The following RBFOX3 variants were observed in gnomAD, a reference collection of about 807,000 sequenced individuals.
The protein encoded by RBFOX3 is RNA binding fox-1 homolog 3.
In RBFOX3, 17 loss-of-function variants were observed where a neutral mutation model predicts 48.7. That is an observed-to-expected ratio of 0.35 (90% CI 0.24 to 0.52). The LOEUF (loss-of-function observed/expected upper bound fraction) is 0.52. Among genes scored for constraint, RBFOX3 ranks in the 20% least tolerant of loss-of-function variants. The pLI is 0.94. For missense variants in RBFOX3, 382 were observed against 497.5 expected (o/e 0.77, Z 2.21); for synonymous variants, 212 against 209.5 (o/e 1.01, Z -0.10).
intron 1 of RBFOX3, among the ~76,000 whole-genome samples, chr17:79,566,692 T>C (rs980113837): frequency 1.7e-4 from 26 of 152,380 alleles, no homozygotes; most frequent in African/African-American, 6.0e-4. Context: ...TAGGGCACTG[T>C]GGTTGCCCTC....
chr17:79,131,094 TGCCCCGTGTGTGCACATGTGC>T (rs990403203), intron 4 of RBFOX3, among the ~76,000 whole-genome samples: 3 of 151,698 alleles, frequency 2.0e-5, no homozygotes, highest in African/African-American at 4.8e-5. Flanking sequence ...GTGTGCTGTG[TGCCCCGTGTGTGCACATGTGC>T]GCCCCGTGTG....
rs1490967020 is a variant in RBFOX3 at position 79,254,429 on chromosome 17, G to A, written c.-73-18624C>T. ...CCAATCCAGGACACATGGCACCAGG[G>A]CCCAGCCTTGAGACCAACCAGCTGG... On this transcript the variant is annotated intron_variant, in intron 3 of 14. Coordinates refer to ENST00000693108, the MANE Select transcript of RBFOX3 (RefSeq NM_001350451.2). The surrounding 1 kb of genome is among the most constrained non-coding windows in gnomAD (Gnocchi z 4.8). Among the ~76,000 whole-genome samples the A allele has an allele frequency of 6.6e-6, 1 of 151,868 alleles. No homozygotes were observed. Among genetic ancestry groups the A allele is most frequent in the African/African-American group, 2.4e-5 (1 of 41,312 alleles).
At chr17:79,394,571 C>T (rs1830202895) in intron 2 of RBFOX3, among the ~76,000 whole-genome samples, 1 of 152,244 alleles carries the variant, frequency 6.6e-6, no homozygotes, top group Non-Finnish European at 1.5e-5. Flanking sequence ...GTCAAGGCAG[C>T]ACGCACAGTC....
chr17:79,331,349 C>T (rs139579095), intron 2 of RBFOX3, among the ~76,000 whole-genome samples: 1 of 152,342 alleles, frequency 6.6e-6, no homozygotes, highest in East Asian at 1.9e-4. Flanking sequence ...CTGCCTCTCC[C>T]CTGTCCCGTT....
chr17:79,257,969 G>A (rs1227026315), intron 3 of RBFOX3, among the ~76,000 whole-genome samples: 1 of 151,870 alleles, frequency 6.6e-6, no homozygotes, highest in African/African-American at 2.4e-5. Flanking sequence ...GTGGGGACGG[G>A]GGTCTCAAAT....
chr17:79,479,359 C>T lies in RBFOX3; in HGVS notation c.-175+3095G>A, dbSNP rs1395774577. On this transcript the variant is annotated intron_variant, in intron 2 of 14. Transcript: ENST00000693108. This position sits in a 1 kb window ranked among gnomAD's most constrained non-coding sequence, Gnocchi z 5.1. ...GTACATGGCCCTCTTCCTTCAGACA[C>T]CCGCCATCCACCATCCTGAAGGTGA... 6.6e-6 allele frequency among the ~76,000 whole-genome samples: 1 copy of T among 152,174 alleles called. No homozygotes were observed. Among genetic ancestry groups the T allele is most frequent in the African/African-American group, 2.4e-5 (1 of 41,434 alleles).
chr17:79,487,906 C>T, intron 1 of RBFOX3, among the ~76,000 whole-genome samples: 1 of 11,002 alleles, frequency 9.1e-5, no homozygotes, highest in African/African-American at 1.5e-4. Flanking sequence ...AGCAAGACCC[C>T]ATCTCAGAAA....
At chr17:79,504,001 AGGGTG>A (rs2082725671) in intron 1 of RBFOX3, among the ~76,000 whole-genome samples, 1 of 67,854 alleles carries the variant, frequency 1.5e-5, no homozygotes, top group African/African-American at 4.3e-5. Context: ...GCGGGGTGGC[AGGGTG>A]CTCCAGGTGG....
At position 79,104,264 on chromosome 17, in the gene RBFOX3, G is replaced by A. The variant is rs545584194; in HGVS notation, c.361-138C>T. ...GGCCCCCAGCTTGGGAAAGGAGACC[G>A]GGGACCCCCTCCCACCCCTGGCCAT... On this transcript the variant is annotated intron_variant, in intron 6 of 14. Coordinates refer to ENST00000693108, the MANE Select transcript of RBFOX3 (RefSeq NM_001350451.2). 2.9e-4 allele frequency: 229 copies of A among 798,848 alleles called. No individual in the cohort carries two copies. The Admixed American group carries it at 3.6e-3, about 13-fold the overall frequency. The allele number at this position is 798,848 out of a possible 1,614,324, so 49.5% of individuals were successfully genotyped here.
chr17:79,097,495 A>G, intron 10 of RBFOX3, 71 bp from the exon 11 acceptor site: 1 of 1,272,498 alleles, frequency 7.9e-7, no homozygotes, highest in Non-Finnish European at 1.0e-6. Flanking sequence ...CTCCCCGTAC[A>G]CCTAGCCCCC....
intron 2 of RBFOX3, among the ~76,000 whole-genome samples, chr17:79,435,466 T>A (rs1555730595): frequency 6.6e-6 from 1 of 152,218 alleles, no homozygotes; most frequent in African/African-American, 2.4e-5. Context: ...CACCCCTTGA[T>A]CCTGGTTCCT....
chr17:79,330,775 C>T (rs1400074203), intron 2 of RBFOX3, among the ~76,000 whole-genome samples: 1 of 152,150 alleles, frequency 6.6e-6, no homozygotes, highest in Non-Finnish European at 1.5e-5. Context: ...GCTCCCTGAT[C>T]AACCAGGTCC....
rs910375436 is a variant in RBFOX3 at position 79,092,171 on chromosome 17, C to T, written c.1078-1286G>A. 1.9e-5 allele frequency: 19 copies of T among 985,370 alleles called. No homozygotes were observed. The South Asian group carries it at 5.2e-4, about 27-fold the overall frequency. 61.0% of individuals were successfully genotyped at this position (985,370 alleles called of 1,614,324 possible). On this transcript the variant is annotated intron_variant, in intron 14 of 14. Coordinates refer to ENST00000693108, the MANE Select transcript of RBFOX3 (RefSeq NM_001350451.2). ...TGGCTTTGGGGGAGGCCCTGCCAGG[C>T]GTTTCTGTTGTTCTGTGCAGCCTGG... is the stretch of plus-strand genomic sequence containing the variant.
intron 14 of RBFOX3, among the ~76,000 whole-genome samples, chr17:79,091,407 G>A (rs1488488793): frequency 6.6e-6 from 1 of 152,238 alleles, no homozygotes; most frequent in Non-Finnish European, 1.5e-5. Context: ...TGCCAGGAAA[G>A]GACTGTGCCT....
intron 2 of RBFOX3, among the ~76,000 whole-genome samples, chr17:79,463,038 T>C (rs1464386628): frequency 1.9e-4 from 10 of 51,666 alleles, no homozygotes; most frequent in Admixed American, 4.8e-4. Context: ...TCCACCACCA[T>C]CGCCACTGCC....
chr17:79,108,492 C>T (rs1016735261), intron 5 of RBFOX3, among the ~76,000 whole-genome samples: 7 of 152,204 alleles, frequency 4.6e-5, no homozygotes, highest in South Asian at 2.1e-4. Context: ...TGAGTTAGGA[C>T]GGTGAGTGGG....
intron 13 of RBFOX3, 30 bp from the exon 14 acceptor site, chr17:79,094,559 AGGAGG>A: frequency 3.7e-5 from 1 of 26,852 alleles, no homozygotes; most frequent in South Asian, 4.9e-4. Context: ...GGGGAGTGGG[AGGAGG>A]GTGGGGGAGG....
chr17:79,181,011 T>C (rs995067624), intron 4 of RBFOX3, among the ~76,000 whole-genome samples: 2 of 152,186 alleles, frequency 1.3e-5, no homozygotes, highest in African/African-American at 4.8e-5. Flanking sequence ...CCGTGGGTCA[T>C]GTTGGTGGAC....
intron 1 of RBFOX3, among the ~76,000 whole-genome samples, chr17:79,563,594 G>A (rs1030162148): frequency 8.1e-4 from 123 of 152,362 alleles, no homozygotes; most frequent in African/African-American, 2.6e-3. Context: ...GAGGTGTTAC[G>A]TTGTTGACAT....
Sources: allele counts gnomAD v4.1 joint callset (sites outside exome capture counted in the v4.1 genomes callset), GRCh38; gene constraint gnomAD v4.1.1; non-coding constraint Gnocchi (gnomAD v3.1); transcripts MANE v1.5; gene names NCBI Gene and HGNC (gene_info 2026-07-23, HGNC 2026-07-21).